CCBE1: variants seen among roughly 807,000 people sequenced by gnomAD.
CCBE1 encodes collagen and calcium binding EGF domains 1.
CCBE1 carries 37 observed loss-of-function variants against 50.0 expected under a neutral mutation model. The observed-to-expected ratio is 0.74, with a 90% confidence interval of 0.57 to 0.97. The LOEUF is 0.97. Ranked by LOEUF, CCBE1 falls within the 50% of genes least tolerant of loss-of-function variation. CCBE1 has a pLI of 0.00. For missense variants in CCBE1, 538 were observed against 523.8 expected (o/e 1.03, Z -0.26); for synonymous variants, 234 against 203.7 (o/e 1.15, Z -1.27).
intron 2 of CCBE1, among the ~76,000 whole-genome samples, chr18:59,484,823 C>A (rs1598941192): frequency 6.6e-6 from 1 of 152,200 alleles, no homozygotes; most frequent in East Asian, 1.9e-4. Flanking sequence ...TGTGAAACAC[C>A]CATCAATCAT....
At chr18:59,541,460 C>G (rs1009468671) in intron 2 of CCBE1, among the ~76,000 whole-genome samples, 2 of 152,176 alleles carry the variant, frequency 1.3e-5, no homozygotes, top group Non-Finnish European at 2.9e-5. Flanking sequence ...AAAATGGATT[C>G]ACTAAGGACA....
At chr18:59,574,206 T>C (rs2052957282) in intron 2 of CCBE1, among the ~76,000 whole-genome samples, 1 of 152,192 alleles carries the variant, frequency 6.6e-6, no homozygotes, top group Non-Finnish European at 1.5e-5. Context: ...TTTCACTGAG[T>C]CTAGATTAGA....
chr18:59,599,224 G>A (rs1157518919), intron 2 of CCBE1, among the ~76,000 whole-genome samples: 1 of 151,986 alleles, frequency 6.6e-6, no homozygotes, highest in African/African-American at 2.4e-5. Context: ...ATGAAGGCTG[G>A]GTGAAGGACT....
At chr18:59,617,187 A>G (rs1482803380) in intron 2 of CCBE1, among the ~76,000 whole-genome samples, 1 of 152,254 alleles carries the variant, frequency 6.6e-6, no homozygotes, top group African/African-American at 2.4e-5. Context: ...GGAACATGGC[A>G]TCATATGATT....
rs146377398 is a variant in CCBE1, at chr18:59,571,394, G to A, written c.213-91156C>T. On this transcript the variant is annotated intron_variant, in intron 2 of 10. Transcript: ENST00000439986. ...TCGCAAGGACAGAAAACCAAACACC[G>A]CATGTTCTCACTCATAGGTGGGAAT... Among the ~76,000 whole-genome samples the A allele has an allele frequency of 5.4e-5, 8 of 147,726 alleles. No homozygotes were observed. In the Admixed American group the frequency reaches 5.5e-4, roughly 10 times the overall value.
At chr18:59,618,945 T>C (rs2053674941) in intron 2 of CCBE1, among the ~76,000 whole-genome samples, 1 of 152,218 alleles carries the variant, frequency 6.6e-6, no homozygotes, top group Admixed American at 6.5e-5. Flanking sequence ...AGGTATTGGA[T>C]TTCAGTGTTA....
chr18:59,513,010 T>G (rs1186623172), intron 2 of CCBE1, among the ~76,000 whole-genome samples: 9 of 152,160 alleles, frequency 5.9e-5, no homozygotes, highest in South Asian at 4.1e-4. Context: ...GTGAGGTTTG[T>G]CCATTTAAGA....
chr18:59,512,027 T>A (rs897003133), intron 2 of CCBE1, among the ~76,000 whole-genome samples: 3 of 150,480 alleles, frequency 2.0e-5, no homozygotes, highest in African/African-American at 7.3e-5. Flanking sequence ...TGTAGCCATA[T>A]GATAAATCTT....
intron 2 of CCBE1, among the ~76,000 whole-genome samples, chr18:59,556,028 G>T (rs1226861266): frequency 6.6e-6 from 1 of 152,142 alleles, no homozygotes; most frequent in Admixed American, 6.5e-5. Context: ...TCTTTTTCAG[G>T]ATTCGTGCAG....
intron 5 of CCBE1, among the ~76,000 whole-genome samples, chr18:59,458,384 C>T (rs564262660): frequency 1.3e-5 from 2 of 152,194 alleles, no homozygotes; most frequent in South Asian, 2.1e-4. Flanking sequence ...GTTGGCAGAG[C>T]GGGGCCGCCA....
intron 2 of CCBE1, among the ~76,000 whole-genome samples, chr18:59,622,144 G>A (rs2053718804): frequency 6.6e-6 from 1 of 152,132 alleles, no homozygotes; most frequent in African/African-American, 2.4e-5. Context: ...CACCTCCAAG[G>A]GTGATCCTGC....
intron 2 of CCBE1, among the ~76,000 whole-genome samples, chr18:59,617,863 A>G (rs1225044921): frequency 6.6e-6 from 1 of 152,232 alleles, no homozygotes. Flanking sequence ...TGCAGGCTGA[A>G]AAGACAAGGC....
intron 3 of CCBE1, 42 bp downstream of exon 3, chr18:59,480,144 G>T (rs768371264): frequency 1.6e-6 from 2 of 1,227,510 alleles, no homozygotes; most frequent in South Asian, 2.4e-5. Context: ...TGAATGATTA[G>T]TTGTGAATAA....
intron 2 of CCBE1, among the ~76,000 whole-genome samples, chr18:59,483,361 T>C (rs971938207): frequency 6.6e-6 from 1 of 152,208 alleles, no homozygotes; most frequent in African/African-American, 2.4e-5. Flanking sequence ...GGATTTCAGA[T>C]TATTTTGGAG....
chr18:59,487,325 G>A (rs1912871507), intron 2 of CCBE1, among the ~76,000 whole-genome samples: 1 of 152,030 alleles, frequency 6.6e-6, no homozygotes, highest in Non-Finnish European at 1.5e-5. Flanking sequence ...TTAAAAGGCT[G>A]AGGGTTTAAA....
chr18:59,636,775 G>C (rs1022039161), intron 2 of CCBE1, among the ~76,000 whole-genome samples: 1 of 152,120 alleles, frequency 6.6e-6, no homozygotes, highest in South Asian at 2.1e-4. Flanking sequence ...AAGCAAAAAA[G>C]AATCTGTTTA....
intron 2 of CCBE1, among the ~76,000 whole-genome samples, chr18:59,566,422 G>A (rs574564133): frequency 1.7e-4 from 26 of 151,930 alleles, no homozygotes; most frequent in African/African-American, 6.0e-4. Context: ...CTTTAGAAAA[G>A]CTATAAAATG....
chr18:59,508,826 C>A (rs1914004928), intron 2 of CCBE1, among the ~76,000 whole-genome samples: 3 of 147,004 alleles, frequency 2.0e-5, no homozygotes, highest in East Asian at 4.4e-4. Flanking sequence ...AAGCAATCCT[C>A]TCACCTCAGC....
chr18:59,492,182 G>C (rs895920619), intron 2 of CCBE1, among the ~76,000 whole-genome samples: 1 of 149,814 alleles, frequency 6.7e-6, no homozygotes, highest in Non-Finnish European at 1.5e-5. Flanking sequence ...AAGCATTCTT[G>C]GTGTAGCCAG....
Sources: allele counts gnomAD v4.1 joint callset (sites outside exome capture counted in the v4.1 genomes callset), GRCh38; gene constraint gnomAD v4.1.1; transcripts MANE v1.5; gene names NCBI Gene and HGNC (gene_info 2026-07-23, HGNC 2026-07-21).